Variants in GRIK2 observed in about 807,000 individuals in gnomAD.
GRIK2 encodes glutamate ionotropic receptor kainate type subunit 2.
A neutral mutation model predicts 100.3 loss-of-function variants in GRIK2; 32 were observed. The observed-to-expected ratio is 0.32, with a 90% confidence interval of 0.24 to 0.43. The LOEUF (loss-of-function observed/expected upper bound fraction) is 0.43. Ranked by LOEUF, GRIK2 falls within the 20% of genes least tolerant of loss-of-function variation. The pLI, the probability that GRIK2 is intolerant of heterozygous loss-of-function variation, is 1.00. For synonymous variants in GRIK2, 417 were observed against 389.4 expected (o/e 1.07, Z -0.83); for missense variants, 843 against 1,114.9 (o/e 0.76, Z 3.47).
chr6:101,938,909 G>A (rs995669691), intron 14 of GRIK2, among the ~76,000 whole-genome samples: 2 of 151,912 alleles, frequency 1.3e-5, no homozygotes, highest in Admixed American at 1.3e-4. Context: ...ATTGTCATTA[G>A]CCTATTGTAT....
At chr6:101,456,076 G>T (rs1770993921) in intron 2 of GRIK2, among the ~76,000 whole-genome samples, 1 of 150,994 alleles carries the variant, frequency 6.6e-6, no homozygotes, top group Admixed American at 6.6e-5. Flanking sequence ...GGGGGTCCTG[G>T]TTACCTTTAA....
At chr6:101,572,608 T>A (rs1054997480) in intron 2 of GRIK2, among the ~76,000 whole-genome samples, 2 of 151,962 alleles carry the variant, frequency 1.3e-5, no homozygotes, top group Non-Finnish European at 2.9e-5. Context: ...TAGATGTGTG[T>A]TCCTTTTAGA....
chr6:101,474,034 C>G (rs1350479472), intron 2 of GRIK2, among the ~76,000 whole-genome samples: 1 of 151,738 alleles, frequency 6.6e-6, no homozygotes, highest in Non-Finnish European at 1.5e-5. Flanking sequence ...GCCTCCTCTC[C>G]CATACACTGA....
chr6:101,718,467 T>C (rs1296238899), intron 7 of GRIK2, among the ~76,000 whole-genome samples: 1 of 151,938 alleles, frequency 6.6e-6, no homozygotes, highest in South Asian at 2.1e-4. Context: ...TACTGAATAC[T>C]GATATCCCAA....
At chr6:101,965,340 T>G (rs1792592988) in intron 14 of GRIK2, among the ~76,000 whole-genome samples, 1 of 152,144 alleles carries the variant, frequency 6.6e-6, no homozygotes, top group South Asian at 2.1e-4. Context: ...TTTCAATGTC[T>G]GCTCATAAAA....
intron 10 of GRIK2, among the ~76,000 whole-genome samples, chr6:101,823,710 G>T (rs878949441): frequency 6.6e-6 from 1 of 151,982 alleles, no homozygotes; most frequent in Non-Finnish European, 1.5e-5. Flanking sequence ...AAAGTATAAC[G>T]TGCTAAACCT....
chr6:102,000,201 AT>A lies in GRIK2; in HGVS notation c.2086-35132del, dbSNP rs960295587. On this transcript the variant is annotated intron_variant, in intron 14 of 16. Transcript: ENST00000369134. Reference sequence around the variant, plus strand: ...CAATTTTCTGGAATAGTTTATTTAAATTTTTTTTAATGTTTGGTAGAATTTA... The same window carrying A: ...CAATTTTCTGGAATAGTTTATTTAAATTTTTTTAATGTTTGGTAGAATTTA... Among the ~76,000 whole-genome samples the A allele has an allele frequency of 4.1e-5, 6 of 147,144 alleles. No homozygotes were observed. In the South Asian group the frequency reaches 6.4e-4, roughly 16 times the overall value.
At chr6:102,041,555 T>G (rs1248670171) in intron 15 of GRIK2, among the ~76,000 whole-genome samples, 5 of 151,538 alleles carry the variant, frequency 3.3e-5, no homozygotes, top group Non-Finnish European at 7.4e-5. Flanking sequence ...GCATGGAGTC[T>G]TTGGCCTTTG....
rs573394605 is a variant in GRIK2, at chr6:101,729,329, T to C, written c.951+42976T>C. On this transcript the variant is annotated intron_variant, in intron 7 of 16. Coordinates refer to ENST00000369134, the MANE Select transcript of GRIK2 (RefSeq NM_021956.5). ...CTATAGATCTACCTATGTATCAATC[T>C]ATGCATCTACCCACACACATACACA... is the stretch of plus-strand genomic sequence containing the variant. 2.0e-5 allele frequency among the ~76,000 whole-genome samples: 3 copies of C among 152,130 alleles called. No individual in the cohort carries two copies. In the East Asian group the frequency reaches 5.8e-4, roughly 29 times the overall value.
intron 2 of GRIK2, among the ~76,000 whole-genome samples, chr6:101,472,881 G>A (rs546941480): frequency 2.0e-5 from 3 of 151,538 alleles, no homozygotes; most frequent in Admixed American, 6.6e-5. Context: ...CAATTTTTTT[G>A]ATTTAATAGA....
chr6:101,872,140 C>T (rs756715059), intron 11 of GRIK2, among the ~76,000 whole-genome samples: 1 of 151,906 alleles, frequency 6.6e-6, no homozygotes. Context: ...ACATTGCAAT[C>T]ACCCAGGAAT....
At chr6:101,872,537 C>T (rs1055087686) in intron 11 of GRIK2, among the ~76,000 whole-genome samples, 8 of 151,820 alleles carry the variant, frequency 5.3e-5, no homozygotes, top group Non-Finnish European at 7.4e-5. Context: ...ACTCACCGAA[C>T]ATGGGCATTA....
chr6:101,815,264 T>A (rs1013436885), intron 9 of GRIK2, among the ~76,000 whole-genome samples: 3 of 152,190 alleles, frequency 2.0e-5, no homozygotes, highest in Non-Finnish European at 4.4e-5. Context: ...TAAATTGATC[T>A]TCTTCTTATA....
chr6:102,006,311 A>T, intron 14 of GRIK2, among the ~76,000 whole-genome samples: 1 of 149,314 alleles, frequency 6.7e-6, no homozygotes, highest in East Asian at 1.9e-4. Context: ...TCTTGGTACA[A>T]TAGTTAGGAA....
intron 2 of GRIK2, among the ~76,000 whole-genome samples, chr6:101,565,869 A>T (rs1777229584): frequency 6.8e-6 from 1 of 147,542 alleles, no homozygotes; most frequent in South Asian, 2.1e-4. Flanking sequence ...TGTGTATTAT[A>T]TGTTACCAAT....
At chr6:101,751,897 G>A (rs1207466022) in intron 7 of GRIK2, among the ~76,000 whole-genome samples, 1 of 152,206 alleles carries the variant, frequency 6.6e-6, no homozygotes, top group African/African-American at 2.4e-5. Flanking sequence ...TTAGGAACCA[G>A]TGATGATCAC....
At chr6:101,715,442 T>G (rs1773998300) in intron 7 of GRIK2, among the ~76,000 whole-genome samples, 1 of 151,644 alleles carries the variant, frequency 6.6e-6, no homozygotes. Flanking sequence ...AAGACAAGAC[T>G]AATGGGGAGT....
chr6:101,452,707 C>T (rs1272242624), intron 2 of GRIK2, among the ~76,000 whole-genome samples: 3 of 151,634 alleles, frequency 2.0e-5, no homozygotes, highest in Non-Finnish European at 4.4e-5. Flanking sequence ...TATTGGAGAG[C>T]AAGTTAGGGG....
chr6:101,691,081 G>A (rs1772058986), intron 7 of GRIK2, among the ~76,000 whole-genome samples: 1 of 152,094 alleles, frequency 6.6e-6, no homozygotes, highest in South Asian at 2.1e-4. Flanking sequence ...TAAAACAGGA[G>A]CTCATAATGA....
Sources: gnomAD v4.1 joint callset for allele counts (sites outside exome capture counted in the v4.1 genomes callset) on GRCh38, gnomAD v4.1.1 for gene constraint, MANE v1.5 for transcripts, NCBI Gene and HGNC (gene_info 2026-07-23, HGNC 2026-07-21) for gene names.